Variants in PRRX2 observed in about 807,000 individuals in gnomAD.
The protein encoded by PRRX2 is paired mesoderm homeobox protein 2.
Under a neutral mutation model 18.0 loss-of-function variants are expected in PRRX2, and 11 were observed. That is an observed-to-expected ratio of 0.61 (90% CI 0.39 to 1.01). The LOEUF (loss-of-function observed/expected upper bound fraction) is 1.01. Ranked by LOEUF, PRRX2 falls within the 50% of genes least tolerant of loss-of-function variation. The pLI is 0.01. For missense variants in PRRX2, 387 were observed against 351.0 expected, an observed-to-expected ratio of 1.10 and a Z score of -0.82; for synonymous variants, 177 against 154.8, an observed-to-expected ratio of 1.14 and a Z score of -1.06.
intron 1 of PRRX2, among the ~76,000 whole-genome samples, chr9:129,682,783 C>T (rs1832249890): frequency 6.6e-6 from 1 of 152,188 alleles, no homozygotes; most frequent in South Asian, 2.1e-4. Context: ...CCAGCACCAC[C>T]ATGGAGACCC....
At chr9:129,705,495 C>T (rs1832545981) in intron 1 of PRRX2, among the ~76,000 whole-genome samples, 2 of 152,090 alleles carry the variant, frequency 1.3e-5, no homozygotes, top group African/African-American at 4.8e-5. Flanking sequence ...GCTGGGATTA[C>T]AGGCAGGTGC....
intron 1 of PRRX2, among the ~76,000 whole-genome samples, chr9:129,703,956 A>T (rs1832530061): frequency 6.6e-6 from 1 of 152,212 alleles, no homozygotes; most frequent in Non-Finnish European, 1.5e-5. Context: ...GCTGCTCGCC[A>T]TGAAGGGCTG....
intron 1 of PRRX2, among the ~76,000 whole-genome samples, chr9:129,685,637 C>G (rs568955784): frequency 2.0e-5 from 3 of 152,296 alleles, no homozygotes; most frequent in African/African-American, 7.2e-5. Flanking sequence ...GCCACTGCGC[C>G]CGGCCAGTTT....
intron 1 of PRRX2, among the ~76,000 whole-genome samples, chr9:129,711,807 C>G (rs1160088988): frequency 6.6e-6 from 1 of 152,190 alleles, no homozygotes; most frequent in Admixed American, 6.5e-5. Flanking sequence ...GACCGGCCAC[C>G]TCCTTAACCA....
At chr9:129,692,496 A>G (rs11788390) in intron 1 of PRRX2, among the ~76,000 whole-genome samples, 30,043 of 151,886 alleles carry the variant, frequency 0.2, 4,872 homozygotes, top group African/African-American at 0.45. Context: ...ACACGGATCC[A>G]CCACTGCAGT....
chr9:129,696,914 G>T (rs1832431718), intron 1 of PRRX2, among the ~76,000 whole-genome samples: 1 of 152,184 alleles, frequency 6.6e-6, no homozygotes, highest in South Asian at 2.1e-4. Flanking sequence ...GACCCCCCTG[G>T]GGCCAGAGTC....
chr9:129,688,109 C>G (rs886856417), intron 1 of PRRX2, among the ~76,000 whole-genome samples: 2 of 152,170 alleles, frequency 1.3e-5, no homozygotes, highest in South Asian at 4.1e-4. Context: ...GTCACCCAGG[C>G]TGGAGTGCAG....
chr9:129,702,159 A>T (rs1228652456), intron 1 of PRRX2, among the ~76,000 whole-genome samples: 2 of 151,656 alleles, frequency 1.3e-5, no homozygotes, highest in African/African-American at 4.8e-5. Context: ...GCACTTTGGG[A>T]GGCTGAGGCG....
Position 129,675,360 on chromosome 9 carries a change from C to G in PRRX2, c.259+9234C>G, listed in dbSNP as rs1377057880. Among the ~76,000 whole-genome samples the G allele has an allele frequency of 6.6e-6, 1 of 152,190 alleles. No homozygotes were observed. The highest frequency in any genetic ancestry group is 1.9e-4 in the East Asian group (1 of 5,194). On this transcript the variant is annotated intron_variant, in intron 1 of 3. Coordinates refer to ENST00000372469, the MANE Select transcript of PRRX2 (RefSeq NM_016307.4). This position sits in a 1 kb window ranked among gnomAD's most constrained non-coding sequence, Gnocchi z 4.4. The stretch of plus-strand genomic sequence containing the variant: ...AGGGGTGATGTGATAGGGACGATTC[C>G]TGTCTCTCCCTCACCAGCATCCTGA...
rs1832413729 is a variant in PRRX2 at position 129,695,825 on chromosome 9, C to G, written c.260-23406C>G. ...CTGACAGCCCAAGTTAACAAGCCCCCACAAGTGAATTCAGAGAGCATTAAC... is the reference window on the plus strand; with the variant it reads ...CTGACAGCCCAAGTTAACAAGCCCCGACAAGTGAATTCAGAGAGCATTAAC... On this transcript the variant is annotated intron_variant, in intron 1 of 3. Transcript: ENST00000372469. This position sits in a 1 kb window ranked among gnomAD's most constrained non-coding sequence, Gnocchi z 4.8. 6.6e-6 allele frequency among the ~76,000 whole-genome samples: 1 copy of G among 152,168 alleles called. No individual in the cohort carries two copies. The highest frequency in any genetic ancestry group is 2.1e-4 in the South Asian group (1 of 4,832).
intron 1 of PRRX2, among the ~76,000 whole-genome samples, chr9:129,668,446 G>T (rs960999101): frequency 2.0e-5 from 3 of 152,116 alleles, no homozygotes; most frequent in Non-Finnish European, 4.4e-5. Flanking sequence ...TTGGAGGTGG[G>T]TTTTCCTGTG....
chr9:129,698,257 C>CGG (rs56233939), intron 1 of PRRX2, among the ~76,000 whole-genome samples: 11 of 20,588 alleles, frequency 5.3e-4, no homozygotes, highest in South Asian at 4.8e-3. Context: ...TTGGATGGGG[C>CGG]GGGGGGGGGG....
chr9:129,668,877 A>G (rs928675442), intron 1 of PRRX2, among the ~76,000 whole-genome samples: 6 of 150,902 alleles, frequency 4.0e-5, no homozygotes, highest in Non-Finnish European at 8.9e-5. Flanking sequence ...AGCCAGGTGC[A>G]GTGGCTCACA....
chr9:129,701,894 T>C (rs1212187321), intron 1 of PRRX2, among the ~76,000 whole-genome samples: 2 of 150,950 alleles, frequency 1.3e-5, no homozygotes, highest in Non-Finnish European at 2.9e-5. Context: ...AGGTCAGGAG[T>C]TGGAGACCAG....
chr9:129,683,691 C>T (rs1335705249), intron 1 of PRRX2, among the ~76,000 whole-genome samples: 3 of 151,806 alleles, frequency 2.0e-5, no homozygotes, highest in Non-Finnish European at 4.4e-5. Context: ...GCAGAGATCG[C>T]GCCACTGCAC....
chr9:129,673,679 G>C (rs79935443), intron 1 of PRRX2, among the ~76,000 whole-genome samples: 4 of 138,166 alleles, frequency 2.9e-5, no homozygotes, highest in Non-Finnish European at 6.5e-5. Context: ...CACACACACA[G>C]GCACACACAC....
intron 1 of PRRX2, among the ~76,000 whole-genome samples, chr9:129,703,112 C>T (rs925062551): frequency 2.0e-5 from 3 of 152,224 alleles, no homozygotes; most frequent in African/African-American, 4.8e-5. Flanking sequence ...AAGATGGCCC[C>T]GTGCCCAGAC....
At chr9:129,694,437 G>C (rs1049251024) in intron 1 of PRRX2, among the ~76,000 whole-genome samples, 1 of 152,178 alleles carries the variant, frequency 6.6e-6, no homozygotes, top group Non-Finnish European at 1.5e-5. Context: ...CGCCCGCCTC[G>C]GCCTCCCACA....
At chr9:129,682,353 C>T (rs1832243492) in intron 1 of PRRX2, among the ~76,000 whole-genome samples, 2 of 152,072 alleles carry the variant, frequency 1.3e-5, no homozygotes. Flanking sequence ...ACTGCCATTG[C>T]TATTATTCGC....
Sources: allele counts gnomAD v4.1 joint callset (sites outside exome capture counted in the v4.1 genomes callset), GRCh38; gene constraint gnomAD v4.1.1; non-coding constraint Gnocchi (gnomAD v3.1); transcripts MANE v1.5; gene names NCBI Gene and HGNC (gene_info 2026-07-23, HGNC 2026-07-21).